The following MUC5B variants were observed in gnomAD, a reference collection of about 807,000 sequenced individuals.
MUC5B encodes mucin-5B.
In MUC5B, 116 loss-of-function variants were observed where a neutral mutation model predicts 376.9. That is an observed-to-expected ratio of 0.31 (90% CI 0.26 to 0.36). The LOEUF (loss-of-function observed/expected upper bound fraction) is 0.36, where lower values mean the gene tolerates loss of function less well. Ranked by LOEUF, MUC5B falls within the 10% of genes least tolerant of loss-of-function variation. The probability of loss-of-function intolerance (pLI) is 1.00; values close to 1 mark genes in which losing one functional copy is unlikely to be tolerated. For synonymous variants in MUC5B, 3,517 were observed against 3,390.9 expected (o/e 1.04, Z -1.29); for missense variants, 7,165 against 7,769.9 (o/e 0.92, Z 2.93).
In MUC5B at chr11:1,234,120, C is replaced by A; in HGVS notation, c.2378-85C>A. On this transcript the variant is annotated intron_variant, in intron 19 of 48. Coordinates refer to ENST00000529681, the MANE Select transcript of MUC5B (RefSeq NM_002458.3). The surrounding 1 kb of genome is among the most constrained non-coding windows in gnomAD (Gnocchi z 6.3). ...GCTCGGGGGCTGTTAACTTGATCAG[C>A]AGGACAGGCTCAGGGCTGCCTGGGG... 1.7e-6 allele frequency: 2 copies of A among 1,148,408 alleles called. No homozygotes were observed. The highest frequency in any genetic ancestry group is 1.3e-6 in the Non-Finnish European group (1 of 788,504). 71.1% of individuals were successfully genotyped at this position (1,148,408 alleles called of 1,614,324 possible).
rs1344403149 is a variant in MUC5B at position 1,247,215 on chromosome 11, C to T, written c.10335C>T (p.Pro3445=). 1 of 1,570,938 alleles carries T rather than the reference C, an allele frequency of 6.4e-7. No homozygotes were observed. The highest frequency in any genetic ancestry group is 2.2e-5 in the East Asian group (1 of 44,884). Residue 3445 remains proline, a synonymous_variant, in exon 31 of 49, where the codon CCC becomes CCT. Transcript: ENST00000529681. ...CTGCCCTAGGGACCACCCACACACC[C>T]CCAGTGCCGAACACCACGGCCACCA... The part of the protein sequence containing the change: ...PSSALGTTHT[P]PVPNTTATTH...
chr11:1,239,290 C>T (rs1201571698), intron 26 of MUC5B, 148 bp from the exon 27 acceptor site: 39 of 1,095,018 alleles, frequency 3.6e-5, no homozygotes, highest in Non-Finnish European at 4.9e-5. Context: ...GAAGGTGAGG[C>T]ACCACCCGGC....
rs773558737 is a variant in MUC5B, at chr11:1,247,831, G to T, written c.10951G>T (p.Gly3651Trp). ...GLVCRNREQVGKFKMCFNYEI... is the reference protein window; with the variant it reads ...GLVCRNREQVWKFKMCFNYEI... ...GGTCTGCAGGAACCGTGAGCAGGTG[G>T]GGAAGTTCAAGATGTGCTTCAACTA... Residue 3651 changes from glycine to tryptophan, a missense_variant, in exon 31 of 49, where the codon GGG becomes TGG. Coordinates refer to ENST00000529681, the MANE Select transcript of MUC5B (RefSeq NM_002458.3). The T allele has an allele frequency of 2.5e-6, 4 of 1,607,198 alleles. No individual in the cohort carries two copies. The highest frequency in any genetic ancestry group is 3.4e-6 in the Non-Finnish European group (4 of 1,176,860).
Position 1,236,554 on chromosome 11 carries a change from G to T in MUC5B, c.3049G>T (p.Asp1017Tyr). The change falls in exon 24 of 49, where the codon GAC becomes TAC. Residue 1017 changes from aspartate (D) to tyrosine (Y), a missense_variant. Transcript: ENST00000529681. ...KTSVFIRLHQ[D>Y]YKGRVCGLCG... The stretch of plus-strand genomic sequence containing the variant: ...CAGCGTGTTCATCCGACTGCACCAG[G>T]ACTACAAGGTGAGCTCGGGCCGTGC... 2 of 1,612,600 alleles carry T rather than the reference G, an allele frequency of 1.2e-6. No individual in the cohort carries two copies. The highest frequency in any genetic ancestry group is 1.7e-6 in the Non-Finnish European group (2 of 1,179,720).
rs1230159694 is a variant in MUC5B at position 1,246,515 on chromosome 11, C to A, written c.9635C>A (p.Pro3212His). The change falls in exon 31 of 49, where the codon CCC (proline) becomes CAC (histidine). Residue 3212 changes from proline (P) to histidine (H), a missense_variant. Around this residue, in one of 31 missense-constraint regions of MUC5B, gnomAD observed 939 missense variants for 770.6 expected, o/e 1.22. Transcript: ENST00000529681. ...TPTVISSRAT[P>H]SSSPGTATAL... is the part of the protein sequence containing the mutation. ...ACAGTCATCAGCTCCAGAGCCACTC[C>A]CTCCTCCAGTCCAGGGACTGCAACC... 4 of 1,613,228 alleles carry A rather than the reference C, an allele frequency of 2.5e-6. No homozygotes were observed. Among genetic ancestry groups the A allele is most frequent in the South Asian group, 1.1e-5 (1 of 91,056 alleles).
intron 3 of MUC5B, 158 bp downstream of exon 3, chr11:1,226,434 G>A (rs1472162592): frequency 2.8e-5 from 36 of 1,275,316 alleles, no homozygotes; most frequent in Non-Finnish European, 3.4e-5. Flanking sequence ...CCACCCTGGG[G>A]GATGGGGACG....
At position 1,262,071 on chromosome 11, in the gene MUC5B, A is replaced by C. The variant is rs768501784; in HGVS notation, c.*463A>C. ...GTCCATGCCTGCTGCAGGGTAACTC[A>C]GGGCTGAGGTCGCAACGGCCAGGTC... On this transcript the variant is annotated 3_prime_UTR_variant, in exon 49 of 49. Transcript: ENST00000529681. 9.4e-6 allele frequency: 5 copies of C among 530,486 alleles called. No homozygotes were observed. Among genetic ancestry groups the C allele is most frequent in the Non-Finnish European group, 1.9e-5 (5 of 264,714 alleles). 32.9% of individuals were successfully genotyped at this position (530,486 alleles called of 1,614,324 possible).
chr11:1,261,863 C>G lies in MUC5B; in HGVS notation c.*255C>G. ...TGTGGCCCACCTTGGCCTTGCCCCT[C>G]CCTGATGTCACTGGGACGCCCTGGA... On this transcript the variant is annotated 3_prime_UTR_variant, in exon 49 of 49. Coordinates refer to ENST00000529681, the MANE Select transcript of MUC5B (RefSeq NM_002458.3). The G allele has an allele frequency of 1.5e-6, 1 of 686,368 alleles. No individual in the cohort carries two copies. The highest frequency in any genetic ancestry group is 2.7e-6 in the Non-Finnish European group (1 of 374,934). 42.5% of individuals were successfully genotyped at this position (686,368 alleles called of 1,614,324 possible).
intron 26 of MUC5B, 87 bp from the exon 27 acceptor site, chr11:1,239,351 G>A (rs565712636): frequency 6.7e-7 from 1 of 1,497,374 alleles, no homozygotes; most frequent in South Asian, 1.3e-5. Flanking sequence ...GGGGACACCG[G>A]CCCCCACGCC....
Position 1,258,439 on chromosome 11 carries a change from G to A in MUC5B, c.16593+72G>A, listed in dbSNP as rs1224164269. The stretch of plus-strand genomic sequence containing the variant: ...TGTGTGGGATGCCCCGGGGCTCTCT[G>A]AGCCCCACTCCTTGTCTTGACATTC... On this transcript the variant is annotated intron_variant, in intron 43 of 48. Coordinates refer to ENST00000529681, the MANE Select transcript of MUC5B (RefSeq NM_002458.3). This position sits in a 1 kb window ranked among gnomAD's most constrained non-coding sequence, Gnocchi z 5.5. 1.1e-5 allele frequency: 17 copies of A among 1,548,650 alleles called. No individual in the cohort carries two copies. Among genetic ancestry groups the A allele is most frequent in the African/African-American group, 2.7e-5 (2 of 73,374 alleles).
chr11:1,261,264 G>A, intron 48 of MUC5B, 125 bp from the exon 49 acceptor site: 1 of 802,374 alleles, frequency 1.2e-6, no homozygotes, highest in South Asian at 1.7e-5. Flanking sequence ...CCACAGAGCA[G>A]GCCACTGTGG....
Position 1,229,997 on chromosome 11 carries a change from C to A in MUC5B, c.1221-8C>A. 6.3e-7 allele frequency: 1 copy of A among 1,586,178 alleles called. No individual in the cohort carries two copies. Among genetic ancestry groups the A allele is most frequent in the Non-Finnish European group, 8.6e-7 (1 of 1,166,900 alleles). On this transcript the variant is annotated splice_polypyrimidine_tract_variant and splice_region_variant and intron_variant, in intron 10 of 48. Coordinates refer to ENST00000529681, the MANE Select transcript of MUC5B (RefSeq NM_002458.3). ...CATGCCGGTTCTGCTCACGGCCTCC[C>A]TCCCCAGCACCTGCTCCGGGGGGCT...
rs1287310985 is a variant in MUC5B at position 1,245,972 on chromosome 11, C to T, written c.9092C>T (p.Thr3031Ile). Residue 3031 changes from threonine (T) to isoleucine (I), a missense_variant, in exon 31 of 49, where the codon ACA (threonine) becomes ATA (isoleucine). This residue lies in a region of MUC5B where 939 missense variants were observed against 770.6 expected (regional missense o/e 1.22). Coordinates refer to ENST00000529681, the MANE Select transcript of MUC5B (RefSeq NM_002458.3). The stretch of plus-strand genomic sequence containing the variant: ...AAAGTGCTGACCAGCACGGCCACCA[C>T]ACCCACAGCCACCAGTTCCAAAGCC... The part of the protein sequence containing the change: ...PPKVLTSTAT[T>I]PTATSSKATS... The T allele has an allele frequency of 3.1e-6, 5 of 1,613,016 alleles. No individual in the cohort carries two copies. Among genetic ancestry groups the T allele is most frequent in the Non-Finnish European group, 4.2e-6 (5 of 1,179,740 alleles).
At chr11:1,229,058 C>T in intron 8 of MUC5B, 112 bp from the exon 9 acceptor site, 2 of 1,317,854 alleles carry the variant, frequency 1.5e-6, no homozygotes, top group South Asian at 3.1e-5. Flanking sequence ...GGGCCTAGCT[C>T]TGGCTTCTGT....
Position 1,228,635 on chromosome 11 carries a change from G to A in MUC5B, c.846G>A (p.Ala282=), listed in dbSNP as rs374724738. The A allele has an allele frequency of 4.8e-5, 74 of 1,534,242 alleles. 1 individual carries two copies. The South Asian group carries it at 6.0e-4, about 12-fold the overall frequency. ...GCCACGCACTGGTGGACAGCACTGC[G>A]TACCTGGCCGCCTGCGCCCAGGACC... ...AECHALVDST[A]YLAACAQDLC... Residue 282 remains alanine, a synonymous_variant, in exon 8 of 49, where the codon GCG becomes GCA. Transcript: ENST00000529681.
In MUC5B at chr11:1,251,203, A is replaced by T. The variant is rs1862678613; in HGVS notation, c.14323A>T (p.Met4775Leu). Residue 4775 changes from methionine (M) to leucine (L), a missense_variant, in exon 31 of 49, where the codon ATG (methionine) becomes TTG (leucine). This residue lies in a region of MUC5B where 730 missense variants were observed against 592.7 expected (regional missense o/e 1.23). Transcript: ENST00000529681. ...PAQTTTPMSTMSTIHTSSTPE... is the reference protein window; with the variant it reads ...PAQTTTPMSTLSTIHTSSTPE... ...ACAGACCACCACACCCATGTCCACC[A>T]TGTCCACAATCCACACCTCCTCTAC... 3 of 1,610,520 alleles carry T rather than the reference A, an allele frequency of 1.9e-6. No homozygotes were observed. Among genetic ancestry groups the T allele is most frequent in the African/African-American group, 2.7e-5 (2 of 74,486 alleles).
At chr11:1,223,922 AC>A (rs1156701776) in intron 1 of MUC5B, among the ~76,000 whole-genome samples, 1 of 151,370 alleles carries the variant, frequency 6.6e-6, no homozygotes, top group Admixed American at 6.6e-5. Flanking sequence ...CCCGCCCTCC[AC>A]CCCCTCCCAA....
chr11:1,226,520 C>A, intron 3 of MUC5B, 95 bp from the exon 4 acceptor site: 4 of 1,477,294 alleles, frequency 2.7e-6, no homozygotes, highest in South Asian at 1.3e-5. Flanking sequence ...CGACCATGGG[C>A]TTTTCCATTC....
At position 1,248,544 on chromosome 11, in the gene MUC5B, A is replaced by G; in HGVS notation, c.11664A>G (p.Pro3888=). The G allele has an allele frequency of 6.2e-7, 1 of 1,613,108 alleles. No individual in the cohort carries two copies. Among genetic ancestry groups the G allele is most frequent in the Non-Finnish European group, 8.5e-7 (1 of 1,179,652 alleles). The change falls in exon 31 of 49, where the codon CCA becomes CCG. Residue 3888 remains proline, a synonymous_variant. Coordinates refer to ENST00000529681, the MANE Select transcript of MUC5B (RefSeq NM_002458.3). The part of the protein sequence containing the change: ...SSSPGTARTP[P]VWISTTTTPT... ...GCCCAGGGACGGCACGCACGCCTCC[A>G]GTGTGGATCAGCACAACCACCACAC...
Sources: allele counts gnomAD v4.1 joint callset (sites outside exome capture counted in the v4.1 genomes callset), GRCh38; gene constraint gnomAD v4.1.1; regional missense constraint gnomAD v4.1.1; non-coding constraint Gnocchi (gnomAD v3.1); transcripts MANE v1.5; gene names NCBI Gene and HGNC (gene_info 2026-07-23, HGNC 2026-07-21).